Variants in TRIQK observed in about 807,000 individuals in gnomAD.
TRIQK encodes triple QxxK/R motif-containing protein.
TRIQK carries 10 observed loss-of-function variants against 10.8 expected under a neutral mutation model. That is an observed-to-expected ratio of 0.92 (90% CI 0.57 to 1.57). The LOEUF (loss-of-function observed/expected upper bound fraction) is 1.57. TRIQK is among the 40% of genes most tolerant of loss of function. The pLI is 0.00. For missense variants in TRIQK, 107 were observed against 97.7 expected (o/e 1.09, Z -0.40); for synonymous variants, 33 against 33.7 (o/e 0.98, Z 0.07).
intron 1 of TRIQK, among the ~76,000 whole-genome samples, chr8:92,979,175 G>A (rs1002630926): frequency 2.0e-5 from 3 of 152,020 alleles, no homozygotes; most frequent in African/African-American, 7.2e-5. Context: ...CTGCTACCTG[G>A]GTTATGATAA....
At chr8:92,926,598 A>G (rs953115759) in intron 2 of TRIQK, among the ~76,000 whole-genome samples, 3 of 151,268 alleles carry the variant, frequency 2.0e-5, no homozygotes, top group Non-Finnish European at 4.4e-5. Flanking sequence ...GAAAATACAG[A>G]AAAAAAAAGT....
intron 2 of TRIQK, among the ~76,000 whole-genome samples, chr8:92,943,964 T>C (rs983525707): frequency 6.6e-6 from 1 of 152,086 alleles, no homozygotes; most frequent in African/African-American, 2.4e-5. Context: ...ATCCAGATTA[T>C]ATTAGGACTA....
At chr8:92,965,653 GC>G (rs1563667315) in intron 1 of TRIQK, 2 of 152,426 alleles carry the variant, frequency 1.3e-5, no homozygotes, top group African/African-American at 4.8e-5. Flanking sequence ...CGTGTCCAGG[GC>G]CCAGCGGCTG....
At position 92,934,650 on chromosome 8, in the gene TRIQK, A is replaced by G. The variant is rs535396641; in HGVS notation, c.-21-17640T>C. Among the ~76,000 whole-genome samples the G allele has an allele frequency of 6.6e-5, 10 of 152,008 alleles. No individual in the cohort carries two copies. In the South Asian group the frequency reaches 2.1e-3, roughly 31 times the overall value. On this transcript the variant is annotated intron_variant, in intron 2 of 4. Transcript: ENST00000521988. ...ATTTCATAGAAGTTGTACTAAACGC[A>G]TTCATTATATCGAAGTCCCAGGTGA...
At position 92,898,833 on chromosome 8, in the gene TRIQK, GTATATATATATATATA is replaced by G. The variant is rs67063066; in HGVS notation, c.62-6775_62-6760del. On this transcript the variant is annotated intron_variant, in intron 3 of 4. Transcript: ENST00000521988. ...GCAGGTACATAATAGGTGTGTGTGT[GTATATATATATATATA>G]TATATATATATATATATATATATAG... Among the ~76,000 whole-genome samples, 94 of 73,920 alleles carry G rather than the reference GTATATATATATATATA, an allele frequency of 1.3e-3. 3 individuals carry two copies. In the South Asian group the frequency reaches 0.028, roughly 22 times the overall value. The allele number at this position is 73,920 out of a possible 152,430, so 48.5% of individuals were successfully genotyped here.
intron 4 of TRIQK, among the ~76,000 whole-genome samples, chr8:92,890,354 T>C (rs1291724821): frequency 6.6e-6 from 1 of 151,784 alleles, no homozygotes; most frequent in African/African-American, 2.4e-5. Context: ...ATCAAAATGA[T>C]GTGCTAGCTT....
intron 1 of TRIQK, among the ~76,000 whole-genome samples, chr8:92,994,310 C>T (rs1813128674): frequency 1.3e-5 from 2 of 152,008 alleles, no homozygotes; most frequent in Admixed American, 6.6e-5. Context: ...CCTGACTGCT[C>T]TTCTTTTATT....
intron 1 of TRIQK, among the ~76,000 whole-genome samples, chr8:92,996,803 T>C (rs541906561): frequency 6.1e-4 from 93 of 152,108 alleles, no homozygotes; most frequent in Admixed American, 1.7e-3. Flanking sequence ...TGTAAGTGTG[T>C]ATAGATAGTA....
rs1324262012 is a variant in TRIQK at position 92,949,799 on chromosome 8, AAAGAAAGAAAGAAAG to A, written c.-22+4592_-22+4606del. Among the ~76,000 whole-genome samples the A allele has an allele frequency of 9.1e-4, 78 of 85,592 alleles. 1 individual carries two copies. The highest frequency in any genetic ancestry group is 1.5e-3 in the Non-Finnish European group (60 of 39,626). The allele number at this position is 85,592 out of a possible 152,430, so 56.2% of individuals were successfully genotyped here. ...AAGAAAGAAAAAGAAAGAAAGAAAG[AAAGAAAGAAAGAAAG>A]AAAGAAAGAAAGAAAGAAAGAAAGA... On this transcript the variant is annotated intron_variant, in intron 2 of 4. Transcript: ENST00000521988.
At chr8:92,992,236 G>A (rs1324439435) in intron 1 of TRIQK, among the ~76,000 whole-genome samples, 1 of 152,090 alleles carries the variant, frequency 6.6e-6, no homozygotes, top group African/African-American at 2.4e-5. Flanking sequence ...CAATGTTCCT[G>A]GGGGAGTGGA....
intron 1 of TRIQK, among the ~76,000 whole-genome samples, chr8:92,962,483 A>G (rs1001238039): frequency 6.6e-6 from 1 of 152,216 alleles, no homozygotes; most frequent in African/African-American, 2.4e-5. Context: ...TACATTACAC[A>G]ATATTTATCA....
At chr8:92,906,638 T>A (rs1192795589) in intron 3 of TRIQK, among the ~76,000 whole-genome samples, 1 of 149,020 alleles carries the variant, frequency 6.7e-6, no homozygotes, top group African/African-American at 2.5e-5. Flanking sequence ...ATCAAAATTT[T>A]AAAAACATTT....
At chr8:92,999,673 C>T (rs938845717) in intron 1 of TRIQK, among the ~76,000 whole-genome samples, 2 of 152,102 alleles carry the variant, frequency 1.3e-5, no homozygotes, top group South Asian at 2.1e-4. Flanking sequence ...GGAATTGTTG[C>T]CTCTGAGTGT....
chr8:92,955,210 A>G (rs1001873158), intron 1 of TRIQK, among the ~76,000 whole-genome samples: 6 of 151,806 alleles, frequency 4.0e-5, no homozygotes, highest in Non-Finnish European at 8.9e-5. Context: ...TCTAATAATA[A>G]TACCAACTTA....
rs528289905 is a variant in TRIQK, at chr8:92,966,058, T to G, written c.-232A>C. On this transcript the variant is annotated 5_prime_UTR_variant, in exon 1 of 5. Transcript: ENST00000521988. ...CAAACTTCGTGTCCTGTGGGAAATGTTGCTGTCCACGGTTCTGTCACTCAG... is the reference window on the plus strand; with the variant it reads ...CAAACTTCGTGTCCTGTGGGAAATGGTGCTGTCCACGGTTCTGTCACTCAG... 6.5e-6 allele frequency: 1 copy of G among 152,862 alleles called. No individual in the cohort carries two copies. The highest frequency in any genetic ancestry group is 6.5e-5 in the Admixed American group (1 of 15,316). 9.5% of individuals were successfully genotyped at this position (152,862 alleles called of 1,614,324 possible).
At chr8:92,890,624 TAA>T (rs1298858322) in intron 4 of TRIQK, among the ~76,000 whole-genome samples, 1 of 151,758 alleles carries the variant, frequency 6.6e-6, no homozygotes, top group Non-Finnish European at 1.5e-5. Context: ...AACTGGTATA[TAA>T]ATAAATAAAT....
intron 1 of TRIQK, among the ~76,000 whole-genome samples, chr8:92,957,280 A>G (rs1003808312): frequency 4.6e-5 from 7 of 151,782 alleles, no homozygotes; most frequent in African/African-American, 1.7e-4. Flanking sequence ...ATACATATGC[A>G]TGTATGTATA....
chr8:92,896,621 A>AT (rs1397576891), intron 3 of TRIQK, among the ~76,000 whole-genome samples: 2 of 152,172 alleles, frequency 1.3e-5, no homozygotes, highest in East Asian at 3.9e-4. Context: ...TAGGGGCCCA[A>AT]TGCCTGCCCC....
At chr8:92,924,112 A>G (rs749087770) in intron 2 of TRIQK, among the ~76,000 whole-genome samples, 12 of 152,152 alleles carry the variant, frequency 7.9e-5, no homozygotes, top group Non-Finnish European at 1.3e-4. Flanking sequence ...ACGTGAAGCT[A>G]TAGTTAGGCA....
Sources: allele counts gnomAD v4.1 joint callset (sites outside exome capture counted in the v4.1 genomes callset), GRCh38; gene constraint gnomAD v4.1.1; transcripts MANE v1.5; gene names NCBI Gene and HGNC (gene_info 2026-07-23, HGNC 2026-07-21).